The following B9D1 variants were observed in gnomAD, a reference collection of about 807,000 sequenced individuals.
The protein encoded by B9D1 is B9 domain containing 1.
Under a neutral mutation model 26.1 loss-of-function variants are expected in B9D1, and 20 were observed. That is an observed-to-expected ratio of 0.77 (90% CI 0.54 to 1.12). B9D1 has a LOEUF of 1.12. Among genes scored for constraint, B9D1 ranks in the 50% most tolerant of loss-of-function variants. The pLI is 0.00. For synonymous variants in B9D1, 105 were observed against 103.1 expected (o/e 1.02, Z -0.11); for missense variants, 260 against 273.7 (o/e 0.95, Z 0.35).
upstream of B9D1, among the ~76,000 whole-genome samples, chr17:19,364,027 T>C (rs1250670652): frequency 1.3e-5 from 2 of 152,184 alleles, no homozygotes; most frequent in East Asian, 1.9e-4. This position sits in a 1 kb window ranked among gnomAD's most constrained non-coding sequence, Gnocchi z 4.3. Context: ...TCCATCTCTT[T>C]CCAGTTAAAG....
At chr17:19,376,693 G>A (rs889719787) in intron 1 of B9D1, among the ~76,000 whole-genome samples, 1 of 150,776 alleles carries the variant, frequency 6.6e-6, no homozygotes, top group African/African-American at 2.4e-5. Context: ...AGCTATTCGG[G>A]AGGCTGAGGC....
chr17:19,358,805 A>G (rs1910682889), intron 2 of B9D1, among the ~76,000 whole-genome samples: 1 of 151,802 alleles, frequency 6.6e-6, no homozygotes, highest in East Asian at 1.9e-4. Context: ...TCCCAAATTT[A>G]TGTCTCCAGC....
intron 3 of B9D1, among the ~76,000 whole-genome samples, chr17:19,349,796 A>G (rs1313638601): frequency 6.6e-6 from 1 of 152,174 alleles, no homozygotes; most frequent in Non-Finnish European, 1.5e-5. Flanking sequence ...AATATAGTCA[A>G]CTTCATTGAT....
chr17:19,346,675 C>T (rs1470842596), intron 5 of B9D1, among the ~76,000 whole-genome samples: 1 of 152,170 alleles, frequency 6.6e-6, no homozygotes, highest in African/African-American at 2.4e-5. Flanking sequence ...TGTCCTGGCC[C>T]CTGCCTGCCT....
chr17:19,338,141 G>A (rs1225088930), downstream of B9D1, among the ~76,000 whole-genome samples: 2 of 152,216 alleles, frequency 1.3e-5, no homozygotes, highest in Non-Finnish European at 2.9e-5. Flanking sequence ...GCAGGGCAGG[G>A]GTCAGTACCC....
At chr17:19,339,768 G>A (rs760176856), downstream of B9D1, among the ~76,000 whole-genome samples, 3 of 152,292 alleles carry the variant, frequency 2.0e-5, no homozygotes, top group East Asian at 1.9e-4. Context: ...GGACAAGAAC[G>A]AGAAGTGCTT....
In B9D1 at chr17:19,372,076, G is replaced by T. The variant is rs537877654; in HGVS notation, c.-298+5783C>A. The T allele has an allele frequency of 6.6e-6, 1 of 152,262 alleles. No individual in the cohort carries two copies. 9.4% of individuals were successfully genotyped at this position (152,262 alleles called of 1,614,324 possible). ...AACCAGGGACAATGATGCATCACCC[G>T]AGTCCCCCTCAGAGAAAGATGAAGG... is the stretch of plus-strand genomic sequence containing the variant. On this transcript the variant is annotated intron_variant, in intron 1 of 5. Transcript: ENST00000477478. This position sits in a 1 kb window ranked among gnomAD's most constrained non-coding sequence, Gnocchi z 4.4.
At chr17:19,369,013 TG>T (rs1464125385) in intron 1 of B9D1, among the ~76,000 whole-genome samples, 1 of 152,240 alleles carries the variant, frequency 6.6e-6, no homozygotes, top group Non-Finnish European at 1.5e-5. Flanking sequence ...CTAGGATGCT[TG>T]TTTCTAAGAG....
chr17:19,342,459 C>G (rs1908077116), downstream of B9D1, among the ~76,000 whole-genome samples: 1 of 152,140 alleles, frequency 6.6e-6, no homozygotes, highest in South Asian at 2.1e-4. Flanking sequence ...AGGGCAGTAT[C>G]TAGGCTGGGG....
rs535718611 is a variant in B9D1 at position 19,354,614 on chromosome 17, G to A, written c.244+3226C>T. ...GGAGGCTGAGGTGGCTGGATCATGAGGTCAGGAGTTCAAGACCAGCCTGGC... is the reference window on the plus strand; with the variant it reads ...GGAGGCTGAGGTGGCTGGATCATGAAGTCAGGAGTTCAAGACCAGCCTGGC... On this transcript the variant is annotated intron_variant, in intron 3 of 6. Coordinates refer to ENST00000261499, the MANE Select transcript of B9D1 (RefSeq NM_015681.6). 6.6e-5 allele frequency among the ~76,000 whole-genome samples: 10 copies of A among 152,272 alleles called. No individual in the cohort carries two copies. The East Asian group carries it at 1.9e-3, about 29-fold the overall frequency.
rs757062393 is a variant in B9D1, at chr17:19,347,155, G to A, written c.404+114C>T. On this transcript the variant is annotated intron_variant, in intron 5 of 6. Transcript: ENST00000261499. The surrounding 1 kb of genome is among the most constrained non-coding windows in gnomAD (Gnocchi z 4.3). ...GACCTGTTTCTATTTGTCCTCAGTG[G>A]GTGGAGCAGCTTGCAGATCTGAGGA... 2.5e-6 allele frequency: 4 copies of A among 1,611,438 alleles called. No homozygotes were observed. The South Asian group carries it at 4.4e-5, about 18-fold the overall frequency.
At position 19,359,658 on chromosome 17, in the gene B9D1, C is replaced by T. The variant is rs879797395; in HGVS notation, c.132+662G>A. On this transcript the variant is annotated intron_variant, in intron 2 of 6. Coordinates refer to ENST00000261499, the MANE Select transcript of B9D1 (RefSeq NM_015681.6). The surrounding 1 kb of genome is among the most constrained non-coding windows in gnomAD (Gnocchi z 5.0). ...GACCCCCCAGCAAGAACGTGCGCTC[C>T]GGGAAGGCAGGGTCTTCTGGTTTGG... Among the ~76,000 whole-genome samples, 5 of 152,268 alleles carry T rather than the reference C, an allele frequency of 3.3e-5. No individual in the cohort carries two copies. The highest frequency in any genetic ancestry group is 2.1e-4 in the South Asian group (1 of 4,816).
At chr17:19,337,767 A>G (rs1907570705), downstream of B9D1, 6 of 1,521,720 alleles carry the variant, frequency 3.9e-6, no homozygotes, top group Non-Finnish European at 5.3e-6. Flanking sequence ...GGAAAAATGG[A>G]CAAGGGTCAA....
intron 3 of B9D1, among the ~76,000 whole-genome samples, chr17:19,350,278 G>A (rs867473245): frequency 1.3e-5 from 2 of 152,110 alleles, no homozygotes; most frequent in African/African-American, 4.8e-5. Context: ...AGGCGCGGTG[G>A]CTCACACCTG....
intron 1 of B9D1, among the ~76,000 whole-genome samples, chr17:19,369,472 G>A (rs979364161): frequency 2.0e-5 from 3 of 152,084 alleles, no homozygotes; most frequent in African/African-American, 4.8e-5. Flanking sequence ...CTCAGAAAAC[G>A]GGACGTGCTA....
chr17:19,349,837 C>A (rs1314481362), intron 3 of B9D1, among the ~76,000 whole-genome samples: 1 of 152,202 alleles, frequency 6.6e-6, no homozygotes, highest in African/African-American at 2.4e-5. Flanking sequence ...GCCAGAAAAT[C>A]TTCCCTTACC....
At chr17:19,346,887 C>G (rs770679937) in intron 5 of B9D1, 1 of 1,416,884 alleles carries the variant, frequency 7.1e-7, no homozygotes, top group Non-Finnish European at 9.2e-7. Flanking sequence ...CGGCCAGAGA[C>G]TCCCACATGT....
upstream of B9D1, chr17:19,362,917 C>T (rs1233043043): frequency 1.3e-5 from 5 of 388,310 alleles, no homozygotes; most frequent in African/African-American, 2.1e-5. Flanking sequence ...TGACTCGGCC[C>T]GGCTCCCCGT....
At chr17:19,338,021 T>TC (rs900358713), downstream of B9D1, among the ~76,000 whole-genome samples, 35 of 152,306 alleles carry the variant, frequency 2.3e-4, no homozygotes, top group African/African-American at 7.9e-4. Context: ...GACAGTAAGG[T>TC]CCTGTGTCCT....
Sources: gnomAD v4.1 joint callset for allele counts (sites outside exome capture counted in the v4.1 genomes callset) on GRCh38, gnomAD v4.1.1 for gene constraint, Gnocchi (gnomAD v3.1) non-coding constraint, MANE v1.5 for transcripts, NCBI Gene and HGNC (gene_info 2026-07-23, HGNC 2026-07-21) for gene names.